MBP: variants seen among roughly 807,000 people sequenced by gnomAD.
The protein encoded by MBP is Golli-MBP.
Under a neutral mutation model 35.8 loss-of-function variants are expected in MBP, and 16 were observed. The ratio of observed to expected loss-of-function variants is 0.45; its 90% CI spans 0.30 to 0.68. The LOEUF (loss-of-function observed/expected upper bound fraction) is 0.68. MBP is among the 30% of genes least tolerant of loss of function. MBP has a pLI of 0.08. For missense variants in MBP, 380 were observed against 404.7 expected, an observed-to-expected ratio of 0.94 and a Z score of 0.52; for synonymous variants, 143 against 159.6, an observed-to-expected ratio of 0.90 and a Z score of 0.78.
intron 3 of MBP, among the ~76,000 whole-genome samples, chr18:77,022,816 A>G (rs1258284614): frequency 6.6e-6 from 1 of 152,260 alleles, no homozygotes; most frequent in Non-Finnish European, 1.5e-5. Flanking sequence ...CTCCCAACAC[A>G]TAAGAAGTAT....
chr18:77,024,357 C>G (rs1972112777), intron 3 of MBP, among the ~76,000 whole-genome samples: 2 of 152,206 alleles, frequency 1.3e-5, no homozygotes, highest in Non-Finnish European at 2.9e-5. Flanking sequence ...ATTGGATACC[C>G]CGGTCTAAAG....
At chr18:76,990,142 T>C in intron 4 of MBP, 82 bp from the exon 5 acceptor site, 1 of 823,864 alleles carries the variant, frequency 1.2e-6, no homozygotes, top group Non-Finnish European at 1.9e-6. Context: ...GGATCTCTCC[T>C]CCTTTGTAAT....
intron 3 of MBP, among the ~76,000 whole-genome samples, chr18:77,018,813 T>TATCC (rs1183210563): frequency 1.1e-4 from 14 of 132,496 alleles, no homozygotes; most frequent in Admixed American, 3.0e-4. Flanking sequence ...TTTATCCATC[T>TATCC]ATCCATCCAT....
chr18:77,031,672 G>T (rs1046608383), intron 3 of MBP, among the ~76,000 whole-genome samples: 14 of 152,218 alleles, frequency 9.2e-5, no homozygotes, highest in Admixed American at 2.0e-4. Flanking sequence ...ATGCTAAGCT[G>T]CAGAAGAAAC....
chr18:77,072,121 A>G (rs1186964767), intron 2 of MBP, among the ~76,000 whole-genome samples: 2 of 152,112 alleles, frequency 1.3e-5, no homozygotes, highest in African/African-American at 2.4e-5. Context: ...TGGCCTTTGA[A>G]GGCTCAGGAT....
At position 76,989,724 on chromosome 18, in the gene MBP, C is replaced by G. The variant is rs1256419556; in HGVS notation, c.681+232G>C. 8 of 505,894 alleles carry G rather than the reference C, an allele frequency of 1.6e-5. No individual in the cohort carries two copies. Among genetic ancestry groups the G allele is most frequent in the Non-Finnish European group, 2.1e-5 (6 of 281,460 alleles). The allele number at this position is 505,894 out of a possible 1,614,324, so 31.3% of individuals were successfully genotyped here. On this transcript the variant is annotated intron_variant, in intron 5 of 8. Transcript: ENST00000355994. The surrounding 1 kb of genome is among the most constrained non-coding windows in gnomAD (Gnocchi z 4.0). ...GGAGCCTAATCTCAAGAGAAGTGAGCTCTCTGGAGAACGCACGGAGCGCAC... is the reference window on the plus strand; with the variant it reads ...GGAGCCTAATCTCAAGAGAAGTGAGGTCTCTGGAGAACGCACGGAGCGCAC...
chr18:77,133,038 G>T (rs1235229414), upstream of MBP, among the ~76,000 whole-genome samples: 2 of 152,196 alleles, frequency 1.3e-5, no homozygotes, highest in Non-Finnish European at 2.9e-5. Flanking sequence ...GCCGAACTGG[G>T]CTCCGAACTG....
intron 2 of MBP, among the ~76,000 whole-genome samples, chr18:77,068,321 G>A (rs1214199903): frequency 6.6e-6 from 1 of 152,158 alleles, no homozygotes; most frequent in East Asian, 1.9e-4. Flanking sequence ...AAGCCCAAAT[G>A]AAGATCTTTA....
intron 2 of MBP, among the ~76,000 whole-genome samples, chr18:77,094,718 A>C (rs1375196261): frequency 6.6e-6 from 1 of 152,182 alleles, no homozygotes; most frequent in African/African-American, 2.4e-5. Flanking sequence ...CAGAGCTAAT[A>C]CCTGTCTAGT....
intron 2 of MBP, among the ~76,000 whole-genome samples, chr18:77,094,955 T>C (rs1429133351): frequency 2.0e-5 from 3 of 152,380 alleles, no homozygotes; most frequent in African/African-American, 7.2e-5. Context: ...ATCTCCATTA[T>C]GGCAGAACAT....
chr18:77,009,721 A>G (rs1568285371), intron 4 of MBP: 1 of 797,210 alleles, frequency 1.3e-6, no homozygotes, highest in East Asian at 2.9e-5. Context: ...ACGGCCTCAC[A>G]GATGCCCCGG....
chr18:77,098,168 CT>C (rs3214873), intron 2 of MBP, among the ~76,000 whole-genome samples: 10,151 of 108,462 alleles, frequency 0.094, 484 homozygotes, highest in Middle Eastern at 0.16. Flanking sequence ...CAAGGACTTC[CT>C]TTTTTTTTTT....
rs150111410 is a variant in MBP, at chr18:77,105,667, TATGAG to T, written c.-25-386_-25-382del. ...TATATCCCATACTCAGGTGCATTGT[TATGAG>T]ATGAGCTGAGATGTCAGAAAGGTGC... On this transcript the variant is annotated intron_variant, in intron 1 of 8. Transcript: ENST00000355994. 6.0e-3 allele frequency among the ~76,000 whole-genome samples: 921 copies of T among 152,334 alleles called. 10 individuals are homozygous for T. Among genetic ancestry groups the T allele is most frequent in the African/African-American group, 0.021 (889 of 41,574 alleles).
chr18:77,129,355 ATGTGGGAGATGTTGC>A (rs1977164173), intron 1 of MBP, among the ~76,000 whole-genome samples: 1 of 152,222 alleles, frequency 6.6e-6, no homozygotes, highest in African/African-American at 2.4e-5. Flanking sequence ...TGTTGCTGGC[ATGTGGGAGATGTTGC>A]TGTGGAAGGC....
chr18:76,999,058 G>A (rs1054659128), intron 4 of MBP, among the ~76,000 whole-genome samples: 2 of 152,034 alleles, frequency 1.3e-5, no homozygotes, highest in African/African-American at 4.8e-5. Context: ...AATTTATGGG[G>A]AGTGGGCACT....
chr18:77,022,127 C>T (rs1358571127), intron 3 of MBP, among the ~76,000 whole-genome samples: 1 of 152,160 alleles, frequency 6.6e-6, no homozygotes, highest in Non-Finnish European at 1.5e-5. Flanking sequence ...GAGAAACTGC[C>T]CTGTAAGTGA....
intron 3 of MBP, among the ~76,000 whole-genome samples, chr18:77,049,600 G>A (rs186832877): frequency 1.1e-3 from 174 of 152,264 alleles, no homozygotes; most frequent in African/African-American, 4.1e-3. Context: ...TGTCGTTCTA[G>A]ATCATTCCTT....
At chr18:76,993,017 T>C (rs4890785) in intron 4 of MBP, among the ~76,000 whole-genome samples, 120,897 of 152,198 alleles carry the variant, frequency 0.79, 48,050 homozygotes, top group Admixed American at 0.81. Context: ...CTCCCATGCA[T>C]AGGGCCTACT....
At chr18:76,992,048 G>C (rs1307412001) in intron 4 of MBP, among the ~76,000 whole-genome samples, 3 of 152,194 alleles carry the variant, frequency 2.0e-5, no homozygotes, top group Non-Finnish European at 4.4e-5. Context: ...CTGTGTCTGA[G>C]CCCAGACGGG....
Sources: gnomAD v4.1 joint callset for allele counts (sites outside exome capture counted in the v4.1 genomes callset) on GRCh38, gnomAD v4.1.1 for gene constraint, Gnocchi (gnomAD v3.1) non-coding constraint, MANE v1.5 for transcripts, NCBI Gene and HGNC (gene_info 2026-07-23, HGNC 2026-07-21) for gene names.